FSTL5: variants seen among roughly 807,000 people sequenced by gnomAD.
The protein encoded by FSTL5 is follistatin-related protein 5.
FSTL5 carries 62 observed loss-of-function variants against 89.1 expected under a neutral mutation model. The observed-to-expected ratio is 0.70, with a 90% CI of 0.57 to 0.86. FSTL5 has a LOEUF of 0.86. Ranked by LOEUF, FSTL5 falls within the 40% of genes least tolerant of loss-of-function variation. The pLI is 0.00. For missense variants in FSTL5, 1,057 were observed against 1,001.6 expected (o/e 1.06, Z -0.75); for synonymous variants, 383 against 346.2 (o/e 1.11, Z -1.18).
intron 10 of FSTL5, among the ~76,000 whole-genome samples, chr4:161,515,089 T>C (rs934433748): frequency 6.6e-6 from 1 of 152,132 alleles, no homozygotes; most frequent in Non-Finnish European, 1.5e-5. Context: ...ATATATATTG[T>C]TATTATCTGT....
intron 2 of FSTL5, among the ~76,000 whole-genome samples, chr4:162,038,470 G>A (rs905697949): frequency 6.6e-6 from 1 of 151,792 alleles, no homozygotes; most frequent in Non-Finnish European, 1.5e-5. Flanking sequence ...TAAATGTAAC[G>A]TAACTAAACC....
At chr4:161,633,917 T>A in intron 7 of FSTL5, among the ~76,000 whole-genome samples, 1 of 152,210 alleles carries the variant, frequency 6.6e-6, no homozygotes, top group Non-Finnish European at 1.5e-5. Context: ...TAAAGTAAGT[T>A]TGTTATGTTA....
chr4:161,582,922 T>C (rs1733486198), intron 8 of FSTL5, among the ~76,000 whole-genome samples: 1 of 152,120 alleles, frequency 6.6e-6, no homozygotes, highest in Non-Finnish European at 1.5e-5. Context: ...GTGTGGTGGC[T>C]CATGCCTGTA....
intron 4 of FSTL5, among the ~76,000 whole-genome samples, chr4:161,784,910 A>AAAAAAC (rs61321158): frequency 1.6e-5 from 2 of 127,666 alleles, no homozygotes; most frequent in African/African-American, 2.9e-5. Flanking sequence ...ACAAAAACAA[A>AAAAAAC]CAAACAAAAA....
At chr4:161,985,436 C>T (rs1251773762) in intron 3 of FSTL5, among the ~76,000 whole-genome samples, 1 of 151,746 alleles carries the variant, frequency 6.6e-6, no homozygotes. Context: ...TTGTGATTTA[C>T]CCAATTATTC....
At chr4:161,513,402 T>A (rs1730719050) in intron 10 of FSTL5, among the ~76,000 whole-genome samples, 1 of 151,862 alleles carries the variant, frequency 6.6e-6, no homozygotes. Flanking sequence ...TAATGGGTAC[T>A]TGGTTTAATA....
At chr4:161,760,137 T>C (rs957839995) in intron 5 of FSTL5, among the ~76,000 whole-genome samples, 1 of 152,260 alleles carries the variant, frequency 6.6e-6, no homozygotes, top group African/African-American at 2.4e-5. Context: ...AATGCACCGA[T>C]TGATGATGAA....
intron 8 of FSTL5, among the ~76,000 whole-genome samples, chr4:161,559,950 A>G (rs1044445202): frequency 2.6e-5 from 4 of 151,872 alleles, no homozygotes; most frequent in Non-Finnish European, 4.4e-5. Context: ...AGCTTGTCCA[A>G]CCTGTAGCCC....
intron 6 of FSTL5, among the ~76,000 whole-genome samples, chr4:161,732,522 T>C (rs1458402958): frequency 6.6e-6 from 1 of 152,060 alleles, no homozygotes; most frequent in Non-Finnish European, 1.5e-5. Context: ...ATAATTTTTG[T>C]TGTCTATAGT....
chr4:161,769,703 T>C (rs1460525813), intron 5 of FSTL5, among the ~76,000 whole-genome samples: 5 of 151,892 alleles, frequency 3.3e-5, no homozygotes, highest in African/African-American at 1.2e-4. Flanking sequence ...ACAGCTAGCA[T>C]CATACTAAAT....
intron 4 of FSTL5, among the ~76,000 whole-genome samples, chr4:161,846,872 GAAA>G (rs1226281041): frequency 6.6e-6 from 1 of 151,798 alleles, no homozygotes; most frequent in Admixed American, 6.6e-5. Flanking sequence ...AGCTGATTAG[GAAA>G]AAAATAAATA....
intron 15 of FSTL5, among the ~76,000 whole-genome samples, chr4:161,442,989 T>C (rs949707243): frequency 2.0e-5 from 3 of 151,986 alleles, no homozygotes; most frequent in Non-Finnish European, 2.9e-5. Context: ...TCATAACTTA[T>C]TTTTTTCTTA....
intron 6 of FSTL5, among the ~76,000 whole-genome samples, chr4:161,686,576 G>T (rs1005883163): frequency 6.6e-6 from 1 of 150,470 alleles, no homozygotes; most frequent in African/African-American, 2.4e-5. Flanking sequence ...TATCCAGGAC[G>T]GTCTCGATCT....
At chr4:161,793,889 GT>G (rs1729551360) in intron 4 of FSTL5, among the ~76,000 whole-genome samples, 1 of 152,166 alleles carries the variant, frequency 6.6e-6, no homozygotes. Flanking sequence ...GATTACAGGT[GT>G]GAGCCACTGT....
intron 4 of FSTL5, among the ~76,000 whole-genome samples, chr4:161,911,484 C>T (rs1259179730): frequency 6.6e-6 from 1 of 152,024 alleles, no homozygotes; most frequent in African/African-American, 2.4e-5. Context: ...AACGTGATTA[C>T]AATGCATGTT....
chr4:161,571,451 G>GA (rs1409836333), intron 8 of FSTL5, among the ~76,000 whole-genome samples: 2 of 150,716 alleles, frequency 1.3e-5, no homozygotes, highest in South Asian at 2.1e-4. Context: ...CCTCCCAAAG[G>GA]AAAAAAAAGA....
intron 7 of FSTL5, among the ~76,000 whole-genome samples, chr4:161,600,196 C>CACACAA (rs1245000873): frequency 6.6e-6 from 1 of 150,640 alleles, no homozygotes; most frequent in Non-Finnish European, 1.5e-5. Flanking sequence ...CACACACACA[C>CACACAA]ACAAACAGTA....
chr4:162,100,538 C>G (rs1164861760), intron 2 of FSTL5, among the ~76,000 whole-genome samples: 1 of 152,052 alleles, frequency 6.6e-6, no homozygotes, highest in African/African-American at 2.4e-5. Flanking sequence ...AGAGGCAAAG[C>G]ACAGATATTT....
intron 1 of FSTL5, among the ~76,000 whole-genome samples, chr4:162,147,282 TA>T (rs1733040635): frequency 6.6e-6 from 1 of 152,160 alleles, no homozygotes; most frequent in African/African-American, 2.4e-5. Flanking sequence ...GTTTCTAAGT[TA>T]AGAAACTAAG....
Sources: gnomAD v4.1 joint callset for allele counts (sites outside exome capture counted in the v4.1 genomes callset) on GRCh38, gnomAD v4.1.1 for gene constraint, MANE v1.5 for transcripts, NCBI Gene and HGNC (gene_info 2026-07-23, HGNC 2026-07-21) for gene names.